The following ABLIM1 variants were observed in gnomAD, a reference collection of about 807,000 sequenced individuals.
The protein encoded by ABLIM1 is actin binding LIM protein 1, also known as actin-binding LIM protein 1.
Under a neutral mutation model 107.0 loss-of-function variants are expected in ABLIM1, and 40 were observed. The ratio of observed to expected loss-of-function variants is 0.37; its 90% CI spans 0.29 to 0.49. The LOEUF (loss-of-function observed/expected upper bound fraction) is 0.49, where lower values mean the gene tolerates loss of function less well. Among genes scored for constraint, ABLIM1 ranks in the 20% least tolerant of loss-of-function variants. The probability of loss-of-function intolerance (pLI) is 0.97; values close to 1 mark genes in which losing one functional copy is unlikely to be tolerated. For synonymous variants in ABLIM1, 357 were observed against 357.3 expected, an observed-to-expected ratio of 1.00 and a Z score of 0.01; for missense variants, 857 against 1,008.5, an observed-to-expected ratio of 0.85 and a Z score of 2.04.
chr10:114,526,681 T>C (rs913233224), intron 6 of ABLIM1: 1 of 985,404 alleles, frequency 1.0e-6, no homozygotes, highest in African/African-American at 1.7e-5. Flanking sequence ...GTTCCTTTTC[T>C]TCTAATTCTG....
intron 4 of ABLIM1, among the ~76,000 whole-genome samples, chr10:114,554,763 A>G (rs1245567351): frequency 6.6e-6 from 1 of 152,208 alleles, no homozygotes; most frequent in Non-Finnish European, 1.5e-5. Context: ...AAGTAGCAAT[A>G]GGGAAAAATA....
In ABLIM1 at chr10:114,491,828, G is replaced by A. The variant is rs1296488517; in HGVS notation, c.945C>T (p.Asn315=). The A allele has an allele frequency of 1.9e-6, 3 of 1,612,452 alleles. No homozygotes were observed. In the South Asian group the frequency reaches 3.3e-5, roughly 18 times the overall value. Residue 315 remains asparagine (N), a synonymous_variant, in exon 7 of 23, where the codon AAC becomes AAT. Coordinates refer to ENST00000533213, the MANE Select transcript of ABLIM1 (RefSeq NM_002313.7). ...TTTCCTCTCCTTCTGTGAACATCTG[G>A]TTGCATCTGCTGCATCGTGCACAGC... ...HPSCARCSRC[N]QMFTEGEEMY... is the part of the protein sequence containing the mutation.
intron 16 of ABLIM1, among the ~76,000 whole-genome samples, chr10:114,445,079 C>A (rs1215005416): frequency 6.6e-6 from 1 of 152,200 alleles, no homozygotes; most frequent in Non-Finnish European, 1.5e-5. Flanking sequence ...CCTTCCACAC[C>A]CCTCTGACCT....
chr10:114,569,724 CT>C (rs766020370), intron 4 of ABLIM1, among the ~76,000 whole-genome samples: 10 of 152,188 alleles, frequency 6.6e-5, no homozygotes, highest in Admixed American at 2.0e-4. Context: ...CAGAGGCTAA[CT>C]GTATCTCTTG....
intron 1 of ABLIM1, among the ~76,000 whole-genome samples, chr10:114,696,341 T>C (rs2081192930): frequency 6.6e-6 from 1 of 152,238 alleles, no homozygotes; most frequent in Non-Finnish European, 1.5e-5. Flanking sequence ...CTAAGCCCTC[T>C]CTTCTTGCTT....
At chr10:114,526,791 C>G in intron 6 of ABLIM1, 3 of 985,562 alleles carry the variant, frequency 3.0e-6, no homozygotes, top group Middle Eastern at 5.2e-4. Context: ...CAGACTGAGG[C>G]TCCCACCTGC....
intron 8 of ABLIM1, among the ~76,000 whole-genome samples, chr10:114,482,691 T>A (rs1024026193): frequency 8.5e-5 from 13 of 152,198 alleles, no homozygotes; most frequent in African/African-American, 2.9e-4. Context: ...CATTGATAGT[T>A]ACAGCTGGAT....
intron 1 of ABLIM1, among the ~76,000 whole-genome samples, chr10:114,745,975 C>T (rs951067745): frequency 3.3e-5 from 5 of 152,102 alleles, no homozygotes; most frequent in Non-Finnish European, 7.4e-5. Context: ...GAAAGGTCTT[C>T]TAGATATAGA....
intron 14 of ABLIM1, among the ~76,000 whole-genome samples, chr10:114,449,820 C>A (rs1215625395): frequency 6.6e-6 from 1 of 152,188 alleles, no homozygotes; most frequent in South Asian, 2.1e-4. Context: ...TTGGGCATAA[C>A]AACTATTTCT....
intron 1 of ABLIM1, among the ~76,000 whole-genome samples, chr10:114,668,036 TG>T (rs34138883): frequency 1.4e-5 from 2 of 146,526 alleles, no homozygotes; most frequent in Admixed American, 1.4e-4. Flanking sequence ...GGGGTGTGGT[TG>T]GGGGGTCCTT....
intron 11 of ABLIM1, among the ~76,000 whole-genome samples, chr10:114,466,462 A>T (rs1347524153): frequency 6.6e-6 from 1 of 152,196 alleles, no homozygotes; most frequent in Non-Finnish European, 1.5e-5. Context: ...GCATAACAAG[A>T]AAAGGTAGGT....
intron 1 of ABLIM1, among the ~76,000 whole-genome samples, chr10:114,724,125 C>T (rs1253171884): frequency 2.0e-5 from 3 of 152,166 alleles, no homozygotes; most frequent in Non-Finnish European, 2.9e-5. Flanking sequence ...GAAGCTTCCT[C>T]ATTTTGTATC....
chr10:114,741,127 G>A (rs554814892), intron 1 of ABLIM1, among the ~76,000 whole-genome samples: 2 of 149,116 alleles, frequency 1.3e-5, no homozygotes, highest in Admixed American at 6.7e-5. Flanking sequence ...ACTGTCTTAA[G>A]TACTTCGGAA....
rs540597583 is a variant in ABLIM1, at chr10:114,707,728, C to G, written c.-213+60333G>C. 6.6e-6 allele frequency among the ~76,000 whole-genome samples: 1 copy of G among 152,064 alleles called. No individual in the cohort carries two copies. Among genetic ancestry groups the G allele is most frequent in the South Asian group, 2.1e-4 (1 of 4,810 alleles). On this transcript the variant is annotated intron_variant, in intron 1 of 15. Transcript: ENST00000651092. This position sits in a 1 kb window ranked among gnomAD's most constrained non-coding sequence, Gnocchi z 4.1. ...CAACCTGGACAACATGGTGAAAACA[C>G]GGTCTCTACTAAAAATACAAAAATT... is the stretch of plus-strand genomic sequence containing the variant.
At chr10:114,570,679 T>C (rs1591299173) in intron 4 of ABLIM1, among the ~76,000 whole-genome samples, 2 of 132,002 alleles carry the variant, frequency 1.5e-5, no homozygotes, top group Admixed American at 1.8e-4. Flanking sequence ...CTCAGCTCAC[T>C]GCAACCTCAA....
At chr10:114,540,794 G>T (rs775197983) in intron 6 of ABLIM1, among the ~76,000 whole-genome samples, 6 of 152,154 alleles carry the variant, frequency 3.9e-5, no homozygotes, top group Non-Finnish European at 7.3e-5. Flanking sequence ...AACCACACAG[G>T]GTCTGCAGGC....
rs115491827 is a variant in ABLIM1 at position 114,447,456 on chromosome 10, T to C, written c.1735+424A>G. On this transcript the variant is annotated intron_variant, in intron 15 of 22. Coordinates refer to ENST00000533213, the MANE Select transcript of ABLIM1 (RefSeq NM_002313.7). Reference sequence around the variant, plus strand: ...AAGAATTATAACTACAACCCAGAAATAGTCTAAAACAAATTTAACTGAAAG... The same window carrying C: ...AAGAATTATAACTACAACCCAGAAACAGTCTAAAACAAATTTAACTGAAAG... Among the ~76,000 whole-genome samples, 1,416 of 152,290 alleles carry C rather than the reference T, an allele frequency of 9.3e-3. 24 individuals are homozygous for C. The highest frequency in any genetic ancestry group is 0.033 in the African/African-American group (1,359 of 41,558).
chr10:114,748,604 C>T (rs1384593456), intron 1 of ABLIM1, among the ~76,000 whole-genome samples: 1 of 150,944 alleles, frequency 6.6e-6, no homozygotes, highest in African/African-American at 2.4e-5. Flanking sequence ...AGTAAAACAT[C>T]CCAGAGCATA....
At chr10:114,717,861 C>G (rs956616996) in intron 1 of ABLIM1, among the ~76,000 whole-genome samples, 8 of 137,772 alleles carry the variant, frequency 5.8e-5, no homozygotes, top group African/African-American at 1.1e-4. Flanking sequence ...TGCCATCAGC[C>G]ATGTTGCATC....
Sources: gnomAD v4.1 joint callset for allele counts (sites outside exome capture counted in the v4.1 genomes callset) on GRCh38, gnomAD v4.1.1 for gene constraint, Gnocchi (gnomAD v3.1) non-coding constraint, MANE v1.5 for transcripts, NCBI Gene and HGNC (gene_info 2026-07-23, HGNC 2026-07-21) for gene names.